The following MUC4 variants were observed in gnomAD, a reference collection of about 807,000 sequenced individuals.
MUC4 encodes the protein mucin-4.
MUC4 carries 202 observed loss-of-function variants against 257.9 expected under a neutral mutation model. The ratio of observed to expected loss-of-function variants is 0.78; its 90% CI spans 0.70 to 0.88. MUC4 has a LOEUF of 0.88. Among genes scored for constraint, MUC4 ranks in the 40% least tolerant of loss-of-function variants. The pLI, the probability that MUC4 is intolerant of heterozygous loss-of-function variation, is 0.00. For missense variants in MUC4, 5,976 were observed against 6,513.7 expected, an observed-to-expected ratio of 0.92 and a Z score of 2.84; for synonymous variants, 2,351 against 2,757.1, an observed-to-expected ratio of 0.85 and a Z score of 4.62.
In MUC4 at chr3:195,759,277, G is replaced by A. The variant is rs370226274; in HGVS notation, c.14849-16C>T. 2 of 1,612,740 alleles carry A rather than the reference G, an allele frequency of 1.2e-6. No homozygotes were observed. The highest frequency in any genetic ancestry group is 8.5e-7 in the Non-Finnish European group (1 of 1,179,176). On this transcript the variant is annotated splice_polypyrimidine_tract_variant and intron_variant, in intron 16 of 24. Transcript: ENST00000463781. The stretch of plus-strand genomic sequence containing the variant: ...GGGTACTGATCTGAAACACAAAGAG[G>A]GAATGGGGGTTCCGAGGCAGGACAG...
At chr3:195,770,428 GC>G in intron 5 of MUC4, 57 bp from the exon 6 acceptor site, 3 of 1,599,740 alleles carry the variant, frequency 1.9e-6, no homozygotes, top group Non-Finnish European at 1.7e-6. Flanking sequence ...CTACACATGG[GC>G]CCCCCACTTT....
chr3:195,763,684 G>T, intron 11 of MUC4, 43 bp from the exon 12 acceptor site: 1 of 1,447,022 alleles, frequency 6.9e-7, no homozygotes, highest in Admixed American at 2.5e-5. Context: ...GACAAATCAT[G>T]TGTAGGGCTG....
Position 195,784,669 on chromosome 3 carries a change from G to C in MUC4, c.6911C>G (p.Pro2304Arg), listed in dbSNP as rs200712995. 7.1e-7 allele frequency: 1 copy of C among 1,407,860 alleles called. No individual in the cohort carries two copies. Among genetic ancestry groups the C allele is most frequent in the African/African-American group, 2.0e-5 (1 of 49,150 alleles). The allele number at this position is 1,407,860 out of a possible 1,614,324, so 87.2% of individuals were successfully genotyped here. ...PSSASTGHAT[P>R]LHVTDASSAS... ...TGAGGAAGCGTCGGTGACATGAAGA[G>C]GGGTGGCGTGACCTGTGGATGCTGA... Residue 2304 changes from proline (P) to arginine (R), a missense_variant, in exon 2 of 25, where the codon CCT becomes CGT. Physicochemically the swap from Pro to Arg is moderately radical, Grantham distance 103. Around this residue, in one of 44 missense-constraint regions of MUC4, gnomAD observed 62 missense variants for 74.0 expected, o/e 0.84. Coordinates refer to ENST00000463781, the MANE Select transcript of MUC4 (RefSeq NM_018406.7).
In MUC4 at chr3:195,755,329, G is replaced by C. The variant is rs1022356191; in HGVS notation, c.15169-957C>G. ...TTGTGCCTCAGCCTCCCAAATACTT[G>C]AGATTACAGGCATATGCCACCACGC... On this transcript the variant is annotated intron_variant, in intron 18 of 24. Transcript: ENST00000463781. This position sits in a 1 kb window ranked among gnomAD's most constrained non-coding sequence, Gnocchi z 5.0. Among the ~76,000 whole-genome samples, 3 of 151,828 alleles carry C rather than the reference G, an allele frequency of 2.0e-5. No individual in the cohort carries two copies. Among genetic ancestry groups the C allele is most frequent in the Non-Finnish European group, 2.9e-5 (2 of 68,002 alleles).
intron 19 of MUC4, 160 bp downstream of exon 19, chr3:195,754,053 T>C: frequency 2.0e-6 from 2 of 1,010,332 alleles, no homozygotes; most frequent in Non-Finnish European, 2.9e-6. Flanking sequence ...CCTGCCTAGA[T>C]GATTTCCCAC....
At chr3:195,750,217 A>G (rs3103934) in intron 23 of MUC4, 129,860 of 153,078 alleles carry the variant, frequency 0.85, 55,737 homozygotes, top group African/African-American at 0.97. Flanking sequence ...TTCCTGTTCC[A>G]GGAAAACCGG....
Position 195,783,051 on chromosome 3 carries a change from T to C in MUC4, c.8529A>G (p.Ser2843=). The stretch of plus-strand genomic sequence containing the variant: ...TGACAGGAAGAGGGGTGGTGTGACC[T>C]GAGGATGCTGAGGAAGGGATGGTGA... The part of the protein sequence containing the change: ...LPVTIPSSAS[S]GHTTPLPVTD... Residue 2843 remains serine (S), a synonymous_variant, in exon 2 of 25, where the codon TCA becomes TCG. Coordinates refer to ENST00000463781, the MANE Select transcript of MUC4 (RefSeq NM_018406.7). 1.2e-6 allele frequency: 1 copy of C among 817,504 alleles called. No individual in the cohort carries two copies. The allele number at this position is 817,504 out of a possible 1,614,324, so 50.6% of individuals were successfully genotyped here.
At chr3:195,766,602 T>A in intron 8 of MUC4, 61 bp downstream of exon 8, 2 of 1,472,486 alleles carry the variant, frequency 1.4e-6, no homozygotes, top group East Asian at 2.3e-5. Flanking sequence ...CGATGGTGTA[T>A]GGGCTGGAGG....
intron 7 of MUC4, among the ~76,000 whole-genome samples, chr3:195,767,388 T>TACC (rs1292256104): frequency 7.4e-5 from 9 of 121,326 alleles, no homozygotes; most frequent in Non-Finnish European, 1.3e-4. Flanking sequence ...TCGCCAGCAC[T>TACC]ACCACCACCA....
chr3:195,762,790 G>A, intron 13 of MUC4, 65 bp downstream of exon 13: 1 of 1,421,788 alleles, frequency 7.0e-7, no homozygotes. Context: ...GCACCGCAAC[G>A]CGGCTTCCCG....
At position 195,784,082 on chromosome 3, in the gene MUC4, T is replaced by G. The variant is rs1361939378; in HGVS notation, c.7498A>C (p.Thr2500Pro). ...STGDTTRLPV[T>P]SPSSASTGHT... Reference sequence around the variant, plus strand: ...CCTGTAGATGCTGAGGAAGGGCTGGTGACAGGAAGACGGGTGGTGTCACCT... The same window carrying G: ...CCTGTAGATGCTGAGGAAGGGCTGGGGACAGGAAGACGGGTGGTGTCACCT... The change falls in exon 2 of 25, where the codon ACC becomes CCC. Residue 2500 changes from threonine to proline, a missense_variant. This residue lies in a region of MUC4 where 135 missense variants were observed against 114.7 expected (regional missense o/e 1.18). Transcript: ENST00000463781. 2.0e-6 allele frequency: 3 copies of G among 1,530,264 alleles called. No homozygotes were observed. Among genetic ancestry groups the G allele is most frequent in the Non-Finnish European group, 2.6e-6 (3 of 1,138,536 alleles). The allele number at this position is 1,530,264 out of a possible 1,614,324, so 94.8% of individuals were successfully genotyped here. A position where few individuals can be genotyped will look rare whatever the true frequency, so the allele number is the denominator to read the frequency against.
At chr3:195,750,841 C>CA in intron 23 of MUC4, 48 bp downstream of exon 23, 5 of 1,554,934 alleles carry the variant, frequency 3.2e-6, no homozygotes, top group Non-Finnish European at 4.4e-6. Flanking sequence ...TCTGTTTGCC[C>CA]GCCCCCCGCA....
At chr3:195,778,665 C>G in intron 2 of MUC4, 125 bp downstream of exon 2, 1 of 1,299,284 alleles carries the variant, frequency 7.7e-7, no homozygotes, top group Non-Finnish European at 1.1e-6. Flanking sequence ...TCACCTCCTC[C>G]CCTGTGGGAC....
In MUC4 at chr3:195,790,119, T is replaced by C; in HGVS notation, c.1461A>G (p.Thr487=). 1 of 1,613,968 alleles carries C rather than the reference T, an allele frequency of 6.2e-7. No homozygotes were observed. Among genetic ancestry groups the C allele is most frequent in the Non-Finnish European group, 8.5e-7 (1 of 1,179,880 alleles). ...QEIFTLHETT[T]WPSSFSSKGH... ...CTTTGCTGGAGAATGAGGAAGGCCATGTTGTTGTTTCATGTAGAGTAAATA... is the reference window on the plus strand; with the variant it reads ...CTTTGCTGGAGAATGAGGAAGGCCACGTTGTTGTTTCATGTAGAGTAAATA... Residue 487 remains threonine (T), a synonymous_variant, in exon 2 of 25, where the codon ACA becomes ACG. Coordinates refer to ENST00000463781, the MANE Select transcript of MUC4 (RefSeq NM_018406.7).
At position 195,766,890 on chromosome 3, in the gene MUC4, C is replaced by T. The variant is rs554125413; in HGVS notation, c.13530-139G>A. ...GGCAGTGGGTCAGTGGGTCAGCCAG[C>T]CCCCATCGTCAAGCCCCAGCACTGA... On this transcript the variant is annotated intron_variant, in intron 7 of 24. Transcript: ENST00000463781. 685 of 702,726 alleles carry T rather than the reference C, an allele frequency of 9.7e-4. 1 individual carries two copies. Among genetic ancestry groups the T allele is most frequent in the Non-Finnish European group, 6.3e-4 (250 of 398,928 alleles). The allele number at this position is 702,726 out of a possible 1,614,324, so 43.5% of individuals were successfully genotyped here.
In MUC4 at chr3:195,781,676, TCTC is replaced by T. The variant is rs1728155067; in HGVS notation, c.9901_9903del (p.Glu3301del). On this transcript the variant is annotated inframe_deletion, in exon 2 of 25. Coordinates refer to ENST00000463781, the MANE Select transcript of MUC4 (RefSeq NM_018406.7). ...GCGTGACCTGTGGATACTGAGGAAG[TCTC>T]GGTGACAAGAAGAGGGGTGGTGTCA... The T allele has an allele frequency of 8.8e-7, 1 of 1,140,704 alleles. No homozygotes were observed. The highest frequency in any genetic ancestry group is 2.4e-5 in the African/African-American group (1 of 41,930). The allele number at this position is 1,140,704 out of a possible 1,614,324, so 70.7% of individuals were successfully genotyped here. A position where few individuals can be genotyped will look rare whatever the true frequency, so the allele number is the denominator to read the frequency against.
At chr3:195,776,685 C>T (rs1453635487) in intron 3 of MUC4, among the ~76,000 whole-genome samples, 3 of 31,448 alleles carry the variant, frequency 9.5e-5, no homozygotes, top group Non-Finnish European at 1.2e-4. Flanking sequence ...CCTTCCACAC[C>T]CTTACCTTCC....
intron 1 of MUC4, among the ~76,000 whole-genome samples, chr3:195,794,896 T>C (rs980956684): frequency 6.6e-6 from 1 of 152,204 alleles, no homozygotes; most frequent in Non-Finnish European, 1.5e-5. Context: ...TAGTAACTGC[T>C]TACTGGTGAC....
chr3:195,762,021 C>A, intron 14 of MUC4, 66 bp downstream of exon 14: 2 of 1,504,068 alleles, frequency 1.3e-6, no homozygotes, highest in Non-Finnish European at 1.8e-6. Context: ...CCCGGGCCGC[C>A]GGCGTGGGGG....
Sources: allele counts gnomAD v4.1 joint callset (sites outside exome capture counted in the v4.1 genomes callset), GRCh38; gene constraint gnomAD v4.1.1; regional missense constraint gnomAD v4.1.1; non-coding constraint Gnocchi (gnomAD v3.1); transcripts MANE v1.5; gene names NCBI Gene and HGNC (gene_info 2026-07-23, HGNC 2026-07-21).